Variants in FOXN3 observed in about 807,000 individuals in gnomAD.
FOXN3 encodes the protein forkhead box N3.
Under a neutral mutation model 38.4 loss-of-function variants are expected in FOXN3, and 7 were observed. The observed-to-expected ratio is 0.18, with a 90% confidence interval of 0.10 to 0.34. The LOEUF (loss-of-function observed/expected upper bound fraction) is 0.34. Ranked by LOEUF, FOXN3 falls within the 10% of genes least tolerant of loss-of-function variation. FOXN3 has a pLI of 1.00. For missense variants in FOXN3, 456 were observed against 613.4 expected (o/e 0.74, Z 2.71); for synonymous variants, 230 against 242.2 (o/e 0.95, Z 0.47).
intron 1 of FOXN3, among the ~76,000 whole-genome samples, chr14:89,458,036 A>G (rs1022492386): frequency 2.0e-5 from 3 of 151,024 alleles, no homozygotes; most frequent in Non-Finnish European, 4.4e-5. Context: ...ATCTCAAAAA[A>G]AAAAAAAAAA....
intron 4 of FOXN3, among the ~76,000 whole-genome samples, chr14:89,193,525 C>G (rs1010810076): frequency 6.6e-6 from 1 of 151,984 alleles, no homozygotes; most frequent in Admixed American, 6.5e-5. Flanking sequence ...CCACCTATGA[C>G]CCCCCACCCC....
intron 1 of FOXN3, among the ~76,000 whole-genome samples, chr14:89,478,568 T>C (rs1385064680): frequency 6.6e-6 from 1 of 152,144 alleles, no homozygotes. Context: ...AGAACCATAA[T>C]AGTAATTTTA....
In FOXN3 at chr14:89,423,534, CAG is replaced by C. The variant is rs546477960; in HGVS notation, c.-14-11046_-14-11045del. 5.5e-4 allele frequency among the ~76,000 whole-genome samples: 83 copies of C among 151,902 alleles called. 1 individual carries two copies. Among genetic ancestry groups the C allele is most frequent in the Admixed American group, 3.7e-3 (57 of 15,270 alleles). On this transcript the variant is annotated intron_variant, in intron 1 of 6. Transcript: ENST00000345097. ...GAAATATTGGACATGCAGATGAAAA[CAG>C]GGTTAATATTTTAAATTTATAAATC... is the stretch of plus-strand genomic sequence containing the variant.
intron 1 of FOXN3, among the ~76,000 whole-genome samples, chr14:89,444,702 C>T (rs935080368): frequency 2.0e-5 from 3 of 152,134 alleles, no homozygotes; most frequent in Non-Finnish European, 4.4e-5. Context: ...CGCAGCTTCC[C>T]GATGTTCTGT....
intron 4 of FOXN3, among the ~76,000 whole-genome samples, chr14:89,198,912 C>T (rs373199160): frequency 6.6e-6 from 1 of 152,226 alleles, no homozygotes; most frequent in African/African-American, 2.4e-5. Flanking sequence ...TTGTTGTTGA[C>T]GTCTTTCTTT....
In FOXN3 at chr14:89,598,135, C is replaced by A. The variant is rs144796260; in HGVS notation, c.-15+20893G>T. 2.9e-3 allele frequency among the ~76,000 whole-genome samples: 444 copies of A among 152,238 alleles called. 3 individuals are homozygous for A. The highest frequency in any genetic ancestry group is 1.0e-2 in the African/African-American group (414 of 41,562). ...CCTTAACTTATCAATGACAACACAA[C>A]TTCGTTATCACTTCCTGTACACTAC... On this transcript the variant is annotated intron_variant, in intron 1 of 6. Coordinates refer to the FOXN3 transcript ENST00000345097.
intron 3 of FOXN3, among the ~76,000 whole-genome samples, chr14:89,345,689 C>G (rs1296570092): frequency 2.0e-5 from 3 of 152,162 alleles, no homozygotes; most frequent in Admixed American, 2.0e-4. Context: ...TCCTTCCTCA[C>G]AGTTTAGCAC....
chr14:89,206,009 T>C (rs1307403067), intron 4 of FOXN3, among the ~76,000 whole-genome samples: 1 of 152,158 alleles, frequency 6.6e-6, no homozygotes, highest in African/African-American at 2.4e-5. Flanking sequence ...CCCTCCACTA[T>C]GGGAGGACAC....
At chr14:89,541,230 C>A (rs1894785860) in intron 1 of FOXN3, among the ~76,000 whole-genome samples, 1 of 152,142 alleles carries the variant, frequency 6.6e-6, no homozygotes, top group Non-Finnish European at 1.5e-5. Context: ...GGTGTTTGAA[C>A]CACATCAACT....
At chr14:89,180,670 G>C (rs1214587238) in intron 5 of FOXN3, 31 bp downstream of exon 5, 3 of 1,517,726 alleles carry the variant, frequency 2.0e-6, no homozygotes, top group Non-Finnish European at 2.7e-6. Context: ...CACTCCCCAG[G>C]CTGGCTCTGC....
chr14:89,285,144 T>C (rs1361278107), intron 3 of FOXN3, among the ~76,000 whole-genome samples: 2 of 152,194 alleles, frequency 1.3e-5, no homozygotes, highest in African/African-American at 4.8e-5. Flanking sequence ...AGCTGAACTT[T>C]CTGTGGATCT....
chr14:89,569,416 G>A (rs243191), intron 1 of FOXN3, among the ~76,000 whole-genome samples: 112,659 of 152,032 alleles, frequency 0.74, 43,381 homozygotes, highest in Non-Finnish European at 0.85. Flanking sequence ...CTGAGCTGCA[G>A]CTGTGGCCTG....
intron 2 of FOXN3, among the ~76,000 whole-genome samples, chr14:89,402,389 C>A (rs544147225): frequency 6.6e-6 from 1 of 152,358 alleles, no homozygotes; most frequent in South Asian, 2.1e-4. Flanking sequence ...TCCGTCCTTT[C>A]CTCTGACGCT....
intron 3 of FOXN3, among the ~76,000 whole-genome samples, chr14:89,287,749 T>TAAAAAAAAAA (rs58930677): frequency 1.5e-5 from 2 of 129,704 alleles, no homozygotes; most frequent in African/African-American, 2.9e-5. Context: ...TAAAGAATGC[T>TAAAAAAAAAA]AAAAAAAAAA....
chr14:89,182,752 C>T (rs1887705749), intron 4 of FOXN3, among the ~76,000 whole-genome samples: 2 of 152,112 alleles, frequency 1.3e-5, no homozygotes, highest in African/African-American at 4.8e-5. Flanking sequence ...GGAACCAGGA[C>T]ACTCTCATAC....
chr14:89,569,236 C>T (rs1202756314), intron 1 of FOXN3, among the ~76,000 whole-genome samples: 4 of 151,788 alleles, frequency 2.6e-5, no homozygotes, highest in East Asian at 3.9e-4. Context: ...TTCCATTATC[C>T]TACCCAGACT....
chr14:89,191,973 T>TATATATATATATATATATATATATATAA lies in FOXN3; in HGVS notation c.746-11168_746-11167insTTATATATATATATATATATATATATAT, dbSNP rs1481298307. On this transcript the variant is annotated intron_variant, in intron 4 of 5. Transcript: ENST00000557258. ...GTATATATATATATACACATATATA[T>TATATATATATATATATATATATATATAA]AACTATAATATATAATATATATTAG... Among the ~76,000 whole-genome samples the TATATATATATATATATATATATATATAA allele has an allele frequency of 7.4e-5, 10 of 135,178 alleles. 1 individual carries two copies. The highest frequency in any genetic ancestry group is 3.2e-4 in the African/African-American group (10 of 31,690). 88.7% of individuals were successfully genotyped at this position (135,178 alleles called of 152,430 possible).
chr14:89,337,132 A>C (rs1212419313), intron 3 of FOXN3, among the ~76,000 whole-genome samples: 1 of 152,192 alleles, frequency 6.6e-6, no homozygotes, highest in East Asian at 1.9e-4. Flanking sequence ...CCTCCAGAAA[A>C]ATCAGGACCT....
intron 1 of FOXN3, among the ~76,000 whole-genome samples, chr14:89,468,994 C>G (rs1893039296): frequency 1.3e-5 from 2 of 152,290 alleles, no homozygotes; most frequent in East Asian, 3.9e-4. Flanking sequence ...TTTTCCCAGC[C>G]CCTCTCCAGA....
Sources: gnomAD v4.1 joint callset for allele counts (sites outside exome capture counted in the v4.1 genomes callset) on GRCh38, gnomAD v4.1.1 for gene constraint, MANE v1.5 for transcripts, NCBI Gene and HGNC (gene_info 2026-07-23, HGNC 2026-07-21) for gene names.